ANK3: variants seen among roughly 807,000 people sequenced by gnomAD.
ANK3 encodes the protein ankyrin 3.
ANK3 carries 57 observed loss-of-function variants against 370.9 expected under a neutral mutation model. The observed-to-expected ratio is 0.15, with a 90% CI of 0.12 to 0.19. The LOEUF (loss-of-function observed/expected upper bound fraction) is 0.19, where lower values mean the gene tolerates loss of function less well. Among genes scored for constraint, ANK3 ranks in the 10% least tolerant of loss-of-function variants. The pLI is 1.00. For missense variants in ANK3, 4,439 were observed against 5,302.1 expected, an observed-to-expected ratio of 0.84 and a Z score of 5.06; for synonymous variants, 1,929 against 1,946.3, an observed-to-expected ratio of 0.99 and a Z score of 0.23.
At chr10:60,550,203 T>C (rs2077058730) in intron 2 of ANK3, among the ~76,000 whole-genome samples, 1 of 151,784 alleles carries the variant, frequency 6.6e-6, no homozygotes, top group South Asian at 2.1e-4. Context: ...TATAAGTATA[T>C]ATTTTAATAT....
At chr10:60,395,408 C>T (rs1489353384) in intron 2 of ANK3, among the ~76,000 whole-genome samples, 1 of 152,080 alleles carries the variant, frequency 6.6e-6, no homozygotes, top group African/African-American at 2.4e-5. Flanking sequence ...ACTTACACTC[C>T]ATTCCTACTC....
chr10:60,597,038 A>T (rs944171174), intron 2 of ANK3, among the ~76,000 whole-genome samples: 2 of 152,206 alleles, frequency 1.3e-5, no homozygotes, highest in Non-Finnish European at 2.9e-5. Context: ...TCCTGATTTA[A>T]AAAATGCAGT....
intron 2 of ANK3, among the ~76,000 whole-genome samples, chr10:60,520,752 A>T (rs2076328914): frequency 6.6e-6 from 1 of 152,122 alleles, no homozygotes; most frequent in Non-Finnish European, 1.5e-5. Flanking sequence ...AATCATTTTG[A>T]TTGGCAAACA....
chr10:60,421,018 T>TA (rs1235752986), intron 2 of ANK3, among the ~76,000 whole-genome samples: 2 of 152,048 alleles, frequency 1.3e-5, no homozygotes, highest in Non-Finnish European at 2.9e-5. Flanking sequence ...TATTCCACCT[T>TA]AAAAAACAGT....
intron 2 of ANK3, among the ~76,000 whole-genome samples, chr10:60,512,643 G>T (rs2076116274): frequency 6.6e-6 from 1 of 152,130 alleles, no homozygotes; most frequent in Non-Finnish European, 1.5e-5. Flanking sequence ...TTAATGGGAA[G>T]ATGATTCTTT....
At chr10:60,496,666 C>G (rs189194862) in intron 2 of ANK3, among the ~76,000 whole-genome samples, 1 of 144,198 alleles carries the variant, frequency 6.9e-6, no homozygotes, top group Admixed American at 7.1e-5. Flanking sequence ...AGGCAAAGTA[C>G]TTTCTGTCCA....
At chr10:60,348,922 A>G (rs963210411) in intron 1 of ANK3, among the ~76,000 whole-genome samples, 5 of 152,176 alleles carry the variant, frequency 3.3e-5, no homozygotes, top group Admixed American at 2.6e-4. Context: ...TTAGACTATA[A>G]CATCAAAAGA....
chr10:60,644,541 GA>G (rs1225571260), intron 1 of ANK3, among the ~76,000 whole-genome samples: 13 of 151,124 alleles, frequency 8.6e-5, no homozygotes, highest in East Asian at 1.9e-4. Context: ...TTTTCTATTG[GA>G]AAAAAAATGC....
chr10:60,450,734 G>C (rs1039314501), intron 2 of ANK3, among the ~76,000 whole-genome samples: 1 of 152,178 alleles, frequency 6.6e-6, no homozygotes, highest in African/African-American at 2.4e-5. Context: ...ATGGAATCAG[G>C]AATAGGAGAG....
chr10:60,694,912 G>A (rs1414543613), intron 1 of ANK3, among the ~76,000 whole-genome samples: 2 of 148,482 alleles, frequency 1.3e-5, no homozygotes, highest in South Asian at 2.3e-4. Flanking sequence ...AACTTTAAAT[G>A]TAAATGGACT....
At position 60,353,153 on chromosome 10, in the gene ANK3, G is replaced by GTTTT. The variant is rs1481181095; in HGVS notation, c.114+36268_114+36271dup. ...GCACCATCACACCTGGCTAATTTTTGTTTTGTTTTTTTTTTTTTTTTTAGA... is the reference window on the plus strand; with the variant it reads ...GCACCATCACACCTGGCTAATTTTTGTTTTTTTTGTTTTTTTTTTTTTTTTTAGA... On this transcript the variant is annotated intron_variant, in intron 1 of 43. Transcript: ENST00000280772. Among the ~76,000 whole-genome samples, 146 of 135,830 alleles carry GTTTT rather than the reference G, an allele frequency of 1.1e-3. 2 individuals are homozygous for GTTTT. The highest frequency in any genetic ancestry group is 1.6e-3 in the Non-Finnish European group (103 of 62,768). The allele number at this position is 135,830 out of a possible 152,430, so 89.1% of individuals were successfully genotyped here.
Position 60,074,657 on chromosome 10 carries a change from T to G in ANK3, c.6224A>C (p.Gln2075Pro). 1 of 1,613,824 alleles carries G rather than the reference T, an allele frequency of 6.2e-7. No homozygotes were observed. The highest frequency in any genetic ancestry group is 8.5e-7 in the Non-Finnish European group (1 of 1,179,946). ...KRVLKPAIAL[Q>P]EHKLKMPPAS... is the part of the protein sequence containing the mutation. ...TGGAGGCATTTTGAGTTTGTGTTCC[T>G]GCAAAGCAATTGCTGGTTTTAAAAC... The change falls in exon 37 of 44, where the codon CAG (glutamine) becomes CCG (proline). Residue 2075 changes from glutamine to proline, a missense_variant. This residue lies in a region of ANK3 where 679 missense variants were observed against 791.0 expected (regional missense o/e 0.86). Transcript: ENST00000280772.
At chr10:60,202,125 T>G (rs2096688768) in intron 12 of ANK3, among the ~76,000 whole-genome samples, 1 of 152,130 alleles carries the variant, frequency 6.6e-6, no homozygotes, top group Admixed American at 6.5e-5. Flanking sequence ...TATTTTTTAT[T>G]TATTATTTTT....
chr10:60,637,828 T>A (rs2078576375), intron 1 of ANK3, among the ~76,000 whole-genome samples: 1 of 152,200 alleles, frequency 6.6e-6, no homozygotes, highest in African/African-American at 2.4e-5. Flanking sequence ...AGGAATTTCC[T>A]TTCTGATGTA....
chr10:60,030,385 G>A (rs940101870), intron 43 of ANK3, among the ~76,000 whole-genome samples: 13 of 151,956 alleles, frequency 8.6e-5, no homozygotes, highest in African/African-American at 1.7e-4. Flanking sequence ...CTCGTGAGCC[G>A]CCCACCTTGG....
intron 1 of ANK3, among the ~76,000 whole-genome samples, chr10:60,360,034 C>T (rs1041888246): frequency 6.6e-6 from 1 of 152,176 alleles, no homozygotes; most frequent in African/African-American, 2.4e-5. Flanking sequence ...AGTACATTAA[C>T]TGATTCCTAA....
At chr10:60,585,635 G>T (rs1450561299) in intron 2 of ANK3, among the ~76,000 whole-genome samples, 2 of 152,282 alleles carry the variant, frequency 1.3e-5, no homozygotes, top group African/African-American at 4.8e-5. Flanking sequence ...GAAACAACAA[G>T]GTTTGTAGTT....
intron 36 of ANK3, 142 bp downstream of exon 36, chr10:60,080,395 C>A: frequency 1.7e-5 from 11 of 664,324 alleles, no homozygotes; most frequent in East Asian, 6.2e-5. Flanking sequence ...CAAAATATTA[C>A]TTAGGTTGTA....
chr10:60,226,567 AGTATAT>A (rs369569767), intron 8 of ANK3, among the ~76,000 whole-genome samples: 2,758 of 26,744 alleles, frequency 0.1, 224 homozygotes, highest in East Asian at 0.14. Context: ...ATATATACAT[AGTATAT>A]GTATATATAC....
Sources: gnomAD v4.1 joint callset for allele counts (sites outside exome capture counted in the v4.1 genomes callset) on GRCh38, gnomAD v4.1.1 for gene constraint, gnomAD v4.1.1 regional missense constraint, MANE v1.5 for transcripts, NCBI Gene and HGNC (gene_info 2026-07-23, HGNC 2026-07-21) for gene names.